The following SRPK2 variants were observed in gnomAD, a reference collection of about 807,000 sequenced individuals.
SRPK2 encodes the protein SFRS protein kinase 2.
A neutral mutation model predicts 90.8 loss-of-function variants in SRPK2; 21 were observed. The ratio of observed to expected loss-of-function variants is 0.23; its 90% CI spans 0.16 to 0.33. The LOEUF is 0.33. Ranked by LOEUF, SRPK2 falls within the 10% of genes least tolerant of loss-of-function variation. The pLI is 1.00. For synonymous variants in SRPK2, 288 were observed against 311.1 expected (o/e 0.93, Z 0.78); for missense variants, 620 against 869.0 (o/e 0.71, Z 3.60).
chr7:105,398,745 G>A (rs1822395257), intron 1 of SRPK2, among the ~76,000 whole-genome samples: 1 of 152,290 alleles, frequency 6.6e-6, no homozygotes, highest in South Asian at 2.1e-4. Flanking sequence ...AGTGGCAATA[G>A]CACCATCATA....
chr7:105,131,318 A>G (rs140796435), intron 13 of SRPK2, among the ~76,000 whole-genome samples: 1 of 152,078 alleles, frequency 6.6e-6, no homozygotes, highest in African/African-American at 2.4e-5. Context: ...CCCACGTCTC[A>G]GTCTGCCTGC....
rs570248816 is a variant in SRPK2, at chr7:105,296,437, A to G, written c.71+92211T>C. Among the ~76,000 whole-genome samples, 329 of 152,294 alleles carry G rather than the reference A, an allele frequency of 2.2e-3. 1 individual carries two copies. Among genetic ancestry groups the G allele is most frequent in the Non-Finnish European group, 4.1e-3 (279 of 68,028 alleles). On this transcript the variant is annotated intron_variant, in intron 2 of 15. Coordinates refer to ENST00000393651, the MANE Select transcript of SRPK2 (RefSeq NM_182692.3). ...GTTTTGAGCCTCTGAACACAAAAGGAAAAAAATGTAACAAATTATTTCCAG... is the reference window on the plus strand; with the variant it reads ...GTTTTGAGCCTCTGAACACAAAAGGGAAAAAATGTAACAAATTATTTCCAG...
chr7:105,281,005 G>A (rs1301680799), intron 2 of SRPK2, among the ~76,000 whole-genome samples: 1 of 125,824 alleles, frequency 7.9e-6, no homozygotes, highest in Non-Finnish European at 1.6e-5. Flanking sequence ...TAAGGCATAA[G>A]AGTTAGTGCC....
chr7:105,241,049 G>A (rs1800752486), intron 2 of SRPK2, among the ~76,000 whole-genome samples: 1 of 152,080 alleles, frequency 6.6e-6, no homozygotes, highest in Non-Finnish European at 1.5e-5. Flanking sequence ...GCACAGAAAT[G>A]GTGTCAGAAA....
intron 2 of SRPK2, among the ~76,000 whole-genome samples, chr7:105,369,507 G>C (rs1284798834): frequency 6.6e-6 from 1 of 152,018 alleles, no homozygotes; most frequent in East Asian, 1.9e-4. Context: ...GAAAAACATT[G>C]ATCCAGGTGC....
intron 2 of SRPK2, among the ~76,000 whole-genome samples, chr7:105,372,722 T>C (rs1819840331): frequency 6.6e-6 from 1 of 152,188 alleles, no homozygotes; most frequent in Admixed American, 6.6e-5. Flanking sequence ...AATGATTTTT[T>C]TTAATATTGC....
chr7:105,273,129 G>A (rs1806045538), intron 2 of SRPK2, among the ~76,000 whole-genome samples: 1 of 151,842 alleles, frequency 6.6e-6, no homozygotes, highest in Admixed American at 6.5e-5. Flanking sequence ...GCAGGAGAAT[G>A]GCATGAACCC....
intron 15 of SRPK2, among the ~76,000 whole-genome samples, chr7:105,118,943 G>A (rs1226811188): frequency 6.6e-6 from 1 of 152,140 alleles, no homozygotes; most frequent in African/African-American, 2.4e-5. Flanking sequence ...GCAATAAACT[G>A]TCAAAAGCTC....
At chr7:105,336,735 T>C (rs1585768534) in intron 2 of SRPK2, among the ~76,000 whole-genome samples, 1 of 152,206 alleles carries the variant, frequency 6.6e-6, no homozygotes, top group South Asian at 2.1e-4. Context: ...GAGTTCCCAA[T>C]TCTAATAAAT....
intron 2 of SRPK2, among the ~76,000 whole-genome samples, chr7:105,342,053 C>T (rs1563261313): frequency 6.6e-6 from 1 of 152,044 alleles, no homozygotes; most frequent in Non-Finnish European, 1.5e-5. Flanking sequence ...CAGCTGAGGT[C>T]GGGAGATCGA....
intron 2 of SRPK2, among the ~76,000 whole-genome samples, chr7:105,328,453 T>C (rs1813856685): frequency 2.0e-5 from 3 of 149,622 alleles, no homozygotes; most frequent in African/African-American, 7.4e-5. Flanking sequence ...ATCCCAGCTA[T>C]TCAGGAGGCT....
intron 2 of SRPK2, among the ~76,000 whole-genome samples, chr7:105,296,841 C>A (rs1809881272): frequency 6.6e-6 from 1 of 152,184 alleles, no homozygotes; most frequent in Non-Finnish European, 1.5e-5. Flanking sequence ...TCATTATCAA[C>A]CCTCTTTTAC....
chr7:105,301,183 C>T (rs1007863156), intron 2 of SRPK2, among the ~76,000 whole-genome samples: 40 of 152,172 alleles, frequency 2.6e-4, no homozygotes, highest in Non-Finnish European at 4.3e-4. Context: ...GTGGCTCACG[C>T]CTGTAATCCC....
intron 2 of SRPK2, among the ~76,000 whole-genome samples, chr7:105,311,991 A>C (rs1157590653): frequency 1.3e-5 from 2 of 152,256 alleles, no homozygotes; most frequent in Non-Finnish European, 2.9e-5. Context: ...ATTGTGGTAC[A>C]TATATACAAT....
intron 2 of SRPK2, among the ~76,000 whole-genome samples, chr7:105,382,881 C>G (rs569366741): frequency 6.6e-6 from 1 of 152,046 alleles, no homozygotes; most frequent in East Asian, 1.9e-4. Context: ...CTGATAAAAT[C>G]CAAGTAAAAT....
chr7:105,335,897 GGTGA>G (rs1563253801), intron 2 of SRPK2, among the ~76,000 whole-genome samples: 1 of 151,616 alleles, frequency 6.6e-6, no homozygotes, highest in Non-Finnish European at 1.5e-5. Context: ...CAGAGGTTGC[GGTGA>G]GCCGAGGTCA....
At chr7:105,373,008 G>A (rs1459879248) in intron 2 of SRPK2, among the ~76,000 whole-genome samples, 1 of 152,138 alleles carries the variant, frequency 6.6e-6, no homozygotes, top group Non-Finnish European at 1.5e-5. Context: ...AGAATCACTT[G>A]AACCCAGGAG....
At chr7:105,284,956 C>A (rs1807860894) in intron 2 of SRPK2, among the ~76,000 whole-genome samples, 1 of 152,126 alleles carries the variant, frequency 6.6e-6, no homozygotes, top group South Asian at 2.1e-4. Flanking sequence ...CATACAGGGT[C>A]TTAAACACAG....
At chr7:105,302,035 G>A (rs1810613752) in intron 2 of SRPK2, 3 of 1,569,456 alleles carry the variant, frequency 1.9e-6, no homozygotes, top group African/African-American at 1.4e-5. Flanking sequence ...GCTGGAACTG[G>A]GTTGATGTTG....
Sources: gnomAD v4.1 joint callset for allele counts (sites outside exome capture counted in the v4.1 genomes callset) on GRCh38, gnomAD v4.1.1 for gene constraint, MANE v1.5 for transcripts, NCBI Gene and HGNC (gene_info 2026-07-23, HGNC 2026-07-21) for gene names.